Variants in NRG2 observed in about 807,000 individuals in gnomAD.
NRG2 encodes the protein neuregulin 2.
A neutral mutation model predicts 73.9 loss-of-function variants in NRG2; 27 were observed. The observed-to-expected ratio is 0.37, with a 90% confidence interval of 0.27 to 0.50. NRG2 has a LOEUF of 0.50. NRG2 is among the 20% of genes least tolerant of loss of function. NRG2 has a pLI of 0.96. For missense variants in NRG2, 1,126 were observed against 1,210.1 expected, an observed-to-expected ratio of 0.93 and a Z score of 1.03; for synonymous variants, 532 against 541.0, an observed-to-expected ratio of 0.98 and a Z score of 0.23.
At chr5:139,939,246 T>TCC (rs61248454) in intron 1 of NRG2, among the ~76,000 whole-genome samples, 8,260 of 132,408 alleles carry the variant, frequency 0.062, 237 homozygotes, top group South Asian at 0.085. Flanking sequence ...CTTCCTTCCT[T>TCC]TCTTTCTTTC....
chr5:139,894,811 G>A lies in NRG2; in HGVS notation c.701-7300C>T, dbSNP rs1764453241. On this transcript the variant is annotated intron_variant, in intron 1 of 9. Coordinates refer to ENST00000361474, the MANE Select transcript of NRG2 (RefSeq NM_004883.3). The surrounding 1 kb of genome is among the most constrained non-coding windows in gnomAD (Gnocchi z 5.0). ...GGGTTGGTCTCTGCCTCCTGTTTAG[G>A]GCTCCCACAGAGGCTGATCCTCAAA... is the stretch of plus-strand genomic sequence containing the variant. Among the ~76,000 whole-genome samples the A allele has an allele frequency of 6.6e-6, 1 of 152,144 alleles. No homozygotes were observed. The highest frequency in any genetic ancestry group is 2.4e-5 in the African/African-American group (1 of 41,438).
chr5:139,927,069 G>A (rs755128140), intron 1 of NRG2, among the ~76,000 whole-genome samples: 15 of 152,316 alleles, frequency 9.8e-5, no homozygotes, highest in Non-Finnish European at 1.2e-4. Flanking sequence ...AGGGCCTTGT[G>A]CCAGCCACCC....
intron 1 of NRG2, among the ~76,000 whole-genome samples, chr5:139,919,207 C>T (rs769116423): frequency 6.6e-6 from 1 of 152,066 alleles, no homozygotes; most frequent in Non-Finnish European, 1.5e-5. Context: ...GGATCGCTAA[C>T]CCACTCCACC....
chr5:139,990,317 T>G (rs1196601713), intron 1 of NRG2, among the ~76,000 whole-genome samples: 2 of 143,884 alleles, frequency 1.4e-5, no homozygotes, highest in East Asian at 4.2e-4. Context: ...TTTATTTTAT[T>G]TTGAGATGGA....
At chr5:140,027,223 A>G (rs967503968) in intron 1 of NRG2, among the ~76,000 whole-genome samples, 10 of 152,200 alleles carry the variant, frequency 6.6e-5, no homozygotes, top group African/African-American at 2.2e-4. Context: ...GGTTCAAGCA[A>G]TCCACCTGCC....
At chr5:139,883,734 G>A (rs552312643) in intron 2 of NRG2, among the ~76,000 whole-genome samples, 65 of 152,278 alleles carry the variant, frequency 4.3e-4, no homozygotes, top group African/African-American at 1.3e-3. Flanking sequence ...CTCCGAGGGC[G>A]CCTTGGTCGC....
rs116420237 is a variant in NRG2, at chr5:139,859,570, C to T, written c.1190-3792G>A. On this transcript the variant is annotated intron_variant, in intron 5 of 9. Transcript: ENST00000361474. ...GCCTATCTCTTGTCCAGCCAGCCTG[C>T]GGGTCTGCACTCAGCTCAGGAGGGG... Among the ~76,000 whole-genome samples the T allele has an allele frequency of 9.9e-3, 1,509 of 152,208 alleles. 10 individuals are homozygous for T. The highest frequency in any genetic ancestry group is 0.021 in the Admixed American group (318 of 15,300).
chr5:139,857,577 C>G (rs192825557), intron 5 of NRG2, among the ~76,000 whole-genome samples: 1 of 151,990 alleles, frequency 6.6e-6, no homozygotes, highest in East Asian at 1.9e-4. Flanking sequence ...CTATTGCAGT[C>G]ATCTGTGATC....
intron 1 of NRG2, among the ~76,000 whole-genome samples, chr5:139,969,041 C>T (rs1755788966): frequency 6.6e-6 from 1 of 152,230 alleles, no homozygotes. Flanking sequence ...ATCAGCCCAG[C>T]CGCGTGGCAG....
At position 140,043,283 on chromosome 5, in the gene NRG2, A is replaced by G. The variant is rs1195206530; in HGVS notation, c.-214T>C. ...GCGCAGCGCTCCCACCCTGTGCGCC[A>G]GGACCTGGAGGAGGATGCGGAGGAT... On this transcript the variant is annotated 5_prime_UTR_variant, in exon 1 of 10. Coordinates refer to ENST00000361474, the MANE Select transcript of NRG2 (RefSeq NM_004883.3). The surrounding 1 kb of genome is among the most constrained non-coding windows in gnomAD (Gnocchi z 6.7). 1.4e-5 allele frequency: 8 copies of G among 552,044 alleles called. No individual in the cohort carries two copies. In the Middle Eastern group the frequency reaches 2.3e-3, roughly 162 times the overall value. 34.2% of individuals were successfully genotyped at this position (552,044 alleles called of 1,614,324 possible).
At chr5:139,855,903 T>A (rs1187785294) in intron 5 of NRG2, 125 bp from the exon 6 acceptor site, 2 of 694,908 alleles carry the variant, frequency 2.9e-6, no homozygotes, top group Non-Finnish European at 5.0e-6. Flanking sequence ...CCAGCTCCTT[T>A]CCATCCCTTT....
intron 1 of NRG2, among the ~76,000 whole-genome samples, chr5:139,965,263 C>T (rs1755409186): frequency 6.6e-6 from 1 of 152,214 alleles, no homozygotes; most frequent in African/African-American, 2.4e-5. Context: ...AGACAGCTCA[C>T]TATGTTCCAG....
chr5:140,038,669 G>T (rs1341425816), intron 1 of NRG2, among the ~76,000 whole-genome samples: 2 of 152,148 alleles, frequency 1.3e-5, no homozygotes, highest in South Asian at 2.1e-4. Flanking sequence ...CTATAAACCA[G>T]GCAAAGTACG....
chr5:139,974,806 T>G (rs984718621), intron 1 of NRG2, among the ~76,000 whole-genome samples: 1 of 152,166 alleles, frequency 6.6e-6, no homozygotes. Context: ...ACGTGGCACA[T>G]GCCTATGGGG....
intron 1 of NRG2, among the ~76,000 whole-genome samples, chr5:139,986,222 C>A (rs374620057): frequency 2.6e-5 from 4 of 152,182 alleles, no homozygotes; most frequent in African/African-American, 9.7e-5. Flanking sequence ...GAATTTCTGG[C>A]GTTAGCCTAA....
chr5:139,917,040 T>C (rs1751305350), intron 1 of NRG2, among the ~76,000 whole-genome samples: 1 of 152,230 alleles, frequency 6.6e-6, no homozygotes, highest in South Asian at 2.1e-4. Context: ...ACCAGCAGTG[T>C]ATGAGGGTTC....
At chr5:139,920,718 T>G (rs1751596699) in intron 1 of NRG2, among the ~76,000 whole-genome samples, 1 of 151,730 alleles carries the variant, frequency 6.6e-6, no homozygotes, top group Non-Finnish European at 1.5e-5. Flanking sequence ...GCATCTGGAG[T>G]GGAGACTGAG....
At chr5:139,951,877 C>T (rs946239745) in intron 1 of NRG2, among the ~76,000 whole-genome samples, 3 of 152,232 alleles carry the variant, frequency 2.0e-5, no homozygotes, top group African/African-American at 4.8e-5. Context: ...AGGGTCTTAG[C>T]CCTGGAAGAT....
intron 1 of NRG2, among the ~76,000 whole-genome samples, chr5:139,953,120 G>A (rs1019106187): frequency 6.6e-6 from 1 of 152,232 alleles, no homozygotes; most frequent in African/African-American, 2.4e-5. Context: ...TGGGGGTGAC[G>A]TGGGGAGGGA....
Sources: gnomAD v4.1 joint callset for allele counts (sites outside exome capture counted in the v4.1 genomes callset) on GRCh38, gnomAD v4.1.1 for gene constraint, Gnocchi (gnomAD v3.1) non-coding constraint, MANE v1.5 for transcripts, NCBI Gene and HGNC (gene_info 2026-07-23, HGNC 2026-07-21) for gene names.